Variants in MACROD2 observed in about 807,000 individuals in gnomAD.
MACROD2 encodes mono-ADP ribosylhydrolase 2, also known as ADP-ribose glycohydrolase MACROD2.
Under a neutral mutation model 70.4 loss-of-function variants are expected in MACROD2, and 36 were observed. The ratio of observed to expected loss-of-function variants is 0.51; its 90% CI spans 0.39 to 0.68. MACROD2 has a LOEUF of 0.68. Ranked by LOEUF, MACROD2 falls within the 30% of genes least tolerant of loss-of-function variation. The pLI is 0.00. For missense variants in MACROD2, 496 were observed against 538.4 expected (o/e 0.92, Z 0.78); for synonymous variants, 172 against 178.8 (o/e 0.96, Z 0.30).
intron 8 of MACROD2, among the ~76,000 whole-genome samples, chr20:15,854,693 T>C (rs112605372): frequency 5.3e-5 from 8 of 152,296 alleles, no homozygotes; most frequent in African/African-American, 1.9e-4. Context: ...CCTCACTTGG[T>C]GGGAGAGGAG....
At chr20:14,007,476 G>A (rs1055167272) in intron 2 of MACROD2, among the ~76,000 whole-genome samples, 21 of 152,122 alleles carry the variant, frequency 1.4e-4, no homozygotes, top group Non-Finnish European at 4.4e-5. Flanking sequence ...AGGCATATAC[G>A]TGTGTGTTTG....
chr20:14,961,883 A>G (rs187150946), intron 5 of MACROD2, among the ~76,000 whole-genome samples: 51 of 152,342 alleles, frequency 3.3e-4, no homozygotes, highest in Admixed American at 2.7e-3. Context: ...TTAGAAAACC[A>G]TATGACAATT....
chr20:14,392,928 A>C (rs373604507), intron 3 of MACROD2, among the ~76,000 whole-genome samples: 1 of 152,116 alleles, frequency 6.6e-6, no homozygotes, highest in East Asian at 1.9e-4. Context: ...GTTAACCTCA[A>C]GCCTGTGCCT....
chr20:14,230,377 A>G (rs760994524), intron 3 of MACROD2, among the ~76,000 whole-genome samples: 4 of 151,996 alleles, frequency 2.6e-5, no homozygotes, highest in Non-Finnish European at 5.9e-5. Context: ...AACAGTCTAC[A>G]TAGCATTTTC....
In MACROD2 at chr20:14,326,398, A is replaced by G; in HGVS notation, c.272-167081A>G. Reference sequence around the variant, plus strand: ...TTGGGCAGGATACACTGTGTTGGGTATTGCAGTGGTTATCTGAATGGTGCT... The same window carrying G: ...TTGGGCAGGATACACTGTGTTGGGTGTTGCAGTGGTTATCTGAATGGTGCT... On this transcript the variant is annotated intron_variant, in intron 3 of 17. Coordinates refer to ENST00000684519, the MANE Select transcript of MACROD2 (RefSeq NM_001351661.2). The surrounding 1 kb of genome is among the most constrained non-coding windows in gnomAD (Gnocchi z 5.5). The G allele has an allele frequency of 1.2e-6, 2 of 1,613,848 alleles. No homozygotes were observed. Among genetic ancestry groups the G allele is most frequent in the South Asian group, 2.2e-5 (2 of 91,082 alleles).
chr20:15,825,108 A>G (rs1427758339), intron 8 of MACROD2, among the ~76,000 whole-genome samples: 1 of 152,198 alleles, frequency 6.6e-6, no homozygotes, highest in Non-Finnish European at 1.5e-5. Context: ...GCACAATGAG[A>G]AAAACATAAG....
chr20:15,589,203 C>T (rs571243017), intron 8 of MACROD2, among the ~76,000 whole-genome samples: 19 of 152,232 alleles, frequency 1.2e-4, no homozygotes, highest in East Asian at 3.9e-4. Context: ...TTCACTATCA[C>T]GAGAATAGCA....
At chr20:15,450,973 A>C (rs2046633071) in intron 7 of MACROD2, among the ~76,000 whole-genome samples, 1 of 152,170 alleles carries the variant, frequency 6.6e-6, no homozygotes, top group African/African-American at 2.4e-5. Flanking sequence ...TGGGCTTGAC[A>C]AGCTAAAGAC....
intron 4 of MACROD2, among the ~76,000 whole-genome samples, chr20:14,554,839 A>G (rs946333172): frequency 5.9e-5 from 9 of 152,130 alleles, no homozygotes; most frequent in African/African-American, 2.2e-4. Context: ...TTGAAATCTG[A>G]TCACCTATAA....
intron 6 of MACROD2, among the ~76,000 whole-genome samples, chr20:15,281,050 G>A (rs2146087636): frequency 6.6e-6 from 1 of 152,340 alleles, no homozygotes; most frequent in Non-Finnish European, 1.5e-5. Context: ...GACAGAGTGA[G>A]TGCAAGCAAG....
intron 5 of MACROD2, among the ~76,000 whole-genome samples, chr20:14,734,670 C>G (rs934636091): frequency 4.0e-5 from 6 of 151,684 alleles, no homozygotes; most frequent in Non-Finnish European, 7.4e-5. Context: ...TCTTTTGACT[C>G]CATAGCCAAA....
intron 5 of MACROD2, among the ~76,000 whole-genome samples, chr20:14,763,612 A>G (rs2072045740): frequency 1.3e-5 from 2 of 152,166 alleles, no homozygotes; most frequent in African/African-American, 4.8e-5. Context: ...AATAGGGCTT[A>G]GTCACTGATG....
chr20:15,214,600 GATTTA>G (rs1356824755), intron 5 of MACROD2, among the ~76,000 whole-genome samples: 4 of 152,112 alleles, frequency 2.6e-5, no homozygotes, highest in Admixed American at 6.5e-5. Flanking sequence ...AAACATATTT[GATTTA>G]ATCTTGTGAA....
At chr20:14,304,415 T>C (rs2082502319) in intron 3 of MACROD2, among the ~76,000 whole-genome samples, 1 of 152,190 alleles carries the variant, frequency 6.6e-6, no homozygotes. Flanking sequence ...CCAGTATTTT[T>C]AAAAAGAAGT....
At chr20:15,709,138 T>TC (rs1329629245) in intron 8 of MACROD2, among the ~76,000 whole-genome samples, 19 of 152,256 alleles carry the variant, frequency 1.2e-4, no homozygotes, top group African/African-American at 3.6e-4. Context: ...TATCCCCACC[T>TC]ATAGGAAAAG....
At chr20:15,492,438 T>C (rs752862088) in intron 7 of MACROD2, among the ~76,000 whole-genome samples, 1 of 152,166 alleles carries the variant, frequency 6.6e-6, no homozygotes, top group Admixed American at 6.6e-5. Context: ...CAACACACAA[T>C]GCATCTCACA....
intron 5 of MACROD2, among the ~76,000 whole-genome samples, chr20:14,918,286 T>A (rs1376282139): frequency 6.6e-6 from 1 of 152,120 alleles, no homozygotes; most frequent in Non-Finnish European, 1.5e-5. Flanking sequence ...AGGTTTTTCA[T>A]GATGAGAAAG....
intron 5 of MACROD2, among the ~76,000 whole-genome samples, chr20:15,198,290 G>T (rs2076624519): frequency 6.6e-6 from 1 of 152,112 alleles, no homozygotes; most frequent in African/African-American, 2.4e-5. Flanking sequence ...GGATTACAAG[G>T]TGTGAGCCAC....
rs192703185 is a variant in MACROD2 at position 15,357,240 on chromosome 20, G to C, written c.541-74165G>C. On this transcript the variant is annotated intron_variant, in intron 6 of 17. Coordinates refer to ENST00000684519, the MANE Select transcript of MACROD2 (RefSeq NM_001351661.2). The stretch of plus-strand genomic sequence containing the variant: ...AAATATGTGACTTGTGACTAAGTGA[G>C]AAAGATTATACTATATGATGCTATC... Among the ~76,000 whole-genome samples the C allele has an allele frequency of 4.9e-3, 741 of 152,308 alleles. 9 individuals carry two copies. The highest frequency in any genetic ancestry group is 0.017 in the African/African-American group (724 of 41,570).
Sources: gnomAD v4.1 joint callset for allele counts (sites outside exome capture counted in the v4.1 genomes callset) on GRCh38, gnomAD v4.1.1 for gene constraint, Gnocchi (gnomAD v3.1) non-coding constraint, MANE v1.5 for transcripts, NCBI Gene and HGNC (gene_info 2026-07-23, HGNC 2026-07-21) for gene names.